The following CHPT1 variants were observed in gnomAD, a reference collection of about 807,000 sequenced individuals.
CHPT1 encodes cholinephosphotransferase 1.
In CHPT1, 36 loss-of-function variants were observed where a neutral mutation model predicts 47.6. The observed-to-expected ratio is 0.76, with a 90% CI of 0.58 to 1.00. CHPT1 has a LOEUF of 1.00. Ranked by LOEUF, CHPT1 falls within the 50% of genes least tolerant of loss-of-function variation. The probability of loss-of-function intolerance (pLI) is 0.00; values close to 1 mark genes in which losing one functional copy is unlikely to be tolerated. For synonymous variants in CHPT1, 194 were observed against 186.3 expected, an observed-to-expected ratio of 1.04 and a Z score of -0.33; for missense variants, 458 against 498.1, an observed-to-expected ratio of 0.92 and a Z score of 0.77.
chr12:101,729,056 A>C lies in CHPT1; in HGVS notation c.*111A>C, dbSNP rs771263019. 6.2e-7 allele frequency: 1 copy of C among 1,605,928 alleles called. No individual in the cohort carries two copies. On this transcript the variant is annotated 3_prime_UTR_variant, in exon 9 of 9. Transcript: ENST00000229266. ...TTATACCTATTTCAGCAAATAAAATATTTCATTGCTTATATTAATCCTTAT... is the reference window on the plus strand; with the variant it reads ...TTATACCTATTTCAGCAAATAAAATCTTTCATTGCTTATATTAATCCTTAT...
rs774824332 is a variant in CHPT1, at chr12:101,698,167, A to G, written c.273+33A>G. The G allele has an allele frequency of 5.7e-6, 8 of 1,402,944 alleles. No individual in the cohort carries two copies. The South Asian group carries it at 1.0e-4, about 18-fold the overall frequency. The allele number at this position is 1,402,944 out of a possible 1,614,324, so 86.9% of individuals were successfully genotyped here. A position where few individuals can be genotyped will look rare whatever the true frequency, so the allele number is the denominator to read the frequency against. Reference sequence around the variant, plus strand: ...TGGCCGATCGCCCGAGCCGGGCCCCAGATGCGCTGCGGGCGGGTCGCTGGA... The same window carrying G: ...TGGCCGATCGCCCGAGCCGGGCCCCGGATGCGCTGCGGGCGGGTCGCTGGA... On this transcript the variant is annotated intron_variant, in intron 1 of 8. Coordinates refer to ENST00000229266, the MANE Select transcript of CHPT1 (RefSeq NM_020244.3).
intron 1 of CHPT1, among the ~76,000 whole-genome samples, chr12:101,708,560 GGATACAGTA>G (rs1465856625): frequency 2.0e-5 from 3 of 151,970 alleles, no homozygotes; most frequent in Non-Finnish European, 4.4e-5. Flanking sequence ...TGTTAAATTT[GGATACAGTA>G]GATATTATGA....
rs139846163 is a variant in CHPT1 at position 101,728,578 on chromosome 12, TAAAG to T, written c.1177-320_1177-317del. ...TAGATTTTGTATTCCGTTTTTTCCT[TAAAG>T]AACATAACCTTCTATACTTGGTTTT... On this transcript the variant is annotated intron_variant, in intron 8 of 8. Coordinates refer to ENST00000229266, the MANE Select transcript of CHPT1 (RefSeq NM_020244.3). The T allele has an allele frequency of 7.7e-3, 1,634 of 212,968 alleles. 26 individuals are homozygous for T. The highest frequency in any genetic ancestry group is 0.034 in the African/African-American group (1,489 of 43,316). 13.2% of individuals were successfully genotyped at this position (212,968 alleles called of 1,614,324 possible).
At chr12:101,711,613 A>G (rs1050277219) in intron 1 of CHPT1, among the ~76,000 whole-genome samples, 2 of 148,270 alleles carry the variant, frequency 1.3e-5, no homozygotes, top group African/African-American at 4.9e-5. Context: ...CTTATGTACA[A>G]CCTGAGGGGT....
At position 101,714,767 on chromosome 12, in the gene CHPT1, CG is replaced by C. The variant is rs1429464540; in HGVS notation, c.563+124del. On this transcript the variant is annotated intron_variant, in intron 3 of 8. Transcript: ENST00000229266. ...CAATCAGTAACTTAAATTAATTCGT[CG>C]GAGTACTCATAAATGCTACACCTTA... is the stretch of plus-strand genomic sequence containing the variant. 19 of 986,190 alleles carry C rather than the reference CG, an allele frequency of 1.9e-5. No individual in the cohort carries two copies. In the East Asian group the frequency reaches 5.3e-4, roughly 28 times the overall value. The allele number at this position is 986,190 out of a possible 1,614,324, so 61.1% of individuals were successfully genotyped here.
rs1488463971 is a variant in CHPT1 at position 101,726,355 on chromosome 12, A to G, written c.1127A>G (p.His376Arg). 3 of 1,613,296 alleles carry G rather than the reference A, an allele frequency of 1.9e-6. No individual in the cohort carries two copies. The highest frequency in any genetic ancestry group is 2.5e-6 in the Non-Finnish European group (3 of 1,179,586). The change falls in exon 8 of 9, where the codon CAC becomes CGC. Residue 376 changes from histidine to arginine, a missense_variant. Transcript: ENST00000229266. The part of the protein sequence containing the change: ...FSALCLQISR[H>R]LHLNIFKTAC... ...GCTTTGTGCCTGCAAATTTCAAGAC[A>G]CCTTCATCTAAATATATTCAAGACT...
intron 3 of CHPT1, chr12:101,714,986 A>G: frequency 6.1e-6 from 1 of 164,222 alleles, no homozygotes; most frequent in Non-Finnish European, 1.3e-5. Context: ...ATATAATAAA[A>G]TAATGCAGTG....
At chr12:101,706,047 A>G (rs1951627253) in intron 1 of CHPT1, among the ~76,000 whole-genome samples, 1 of 152,118 alleles carries the variant, frequency 6.6e-6, no homozygotes, top group Admixed American at 6.6e-5. Flanking sequence ...CTCCTACAGA[A>G]GATTTTTAAA....
intron 5 of CHPT1, among the ~76,000 whole-genome samples, chr12:101,721,985 G>C (rs1039877708): frequency 1.1e-4 from 16 of 151,956 alleles, no homozygotes; most frequent in African/African-American, 3.9e-4. Flanking sequence ...ATTGAACCTG[G>C]GAGGCGGAGG....
At chr12:101,723,017 AGCACAACTCAGGTTTG>A in intron 5 of CHPT1, 135 bp from the exon 6 acceptor site, 1 of 620,208 alleles carries the variant, frequency 1.6e-6, no homozygotes, top group East Asian at 3.1e-5. Flanking sequence ...AACCTTGGAA[AGCACAACTCAGGTTTG>A]TATACTCCTG....
chr12:101,726,139 G>A (rs1951939621), intron 7 of CHPT1, among the ~76,000 whole-genome samples, 155 bp from the exon 8 acceptor site: 2 of 152,046 alleles, frequency 1.3e-5, no homozygotes, highest in Non-Finnish European at 2.9e-5. Context: ...CTACAGTGAG[G>A]TCCAAATTTG....
At chr12:101,713,982 G>T in intron 1 of CHPT1, 108 bp from the exon 2 acceptor site, 1 of 638,574 alleles carries the variant, frequency 1.6e-6, no homozygotes. Context: ...GGTTAGAAAT[G>T]TTCTTTATAA....
rs185820631 is a variant in CHPT1 at position 101,728,876 on chromosome 12, G to A, written c.1177-25G>A. ...ACTTACAATATGCTTCTTAGCTAACGTTATAATTGTATCATATTACTTAGG... is the reference window on the plus strand; with the variant it reads ...ACTTACAATATGCTTCTTAGCTAACATTATAATTGTATCATATTACTTAGG... On this transcript the variant is annotated intron_variant, in intron 8 of 8. Coordinates refer to ENST00000229266, the MANE Select transcript of CHPT1 (RefSeq NM_020244.3). 112 of 1,611,054 alleles carry A rather than the reference G, an allele frequency of 7.0e-5. No individual in the cohort carries two copies. In the African/African-American group the frequency reaches 7.3e-4, roughly 11 times the overall value.
intron 1 of CHPT1, among the ~76,000 whole-genome samples, chr12:101,709,418 C>T: frequency 7.1e-6 from 1 of 140,034 alleles, no homozygotes; most frequent in South Asian, 2.3e-4. Flanking sequence ...AAAGTCTAAT[C>T]TATAATTGTA....
At chr12:101,703,352 T>C (rs1951581652) in intron 1 of CHPT1, among the ~76,000 whole-genome samples, 1 of 152,126 alleles carries the variant, frequency 6.6e-6, no homozygotes, top group African/African-American at 2.4e-5. Context: ...AAAACCAAAA[T>C]GATTCACACT....
At chr12:101,724,811 T>C (rs1282071724) in intron 7 of CHPT1, among the ~76,000 whole-genome samples, 1 of 152,208 alleles carries the variant, frequency 6.6e-6, no homozygotes, top group Non-Finnish European at 1.5e-5. Context: ...GAGAGACACG[T>C]TAGCCATCTA....
In CHPT1 at chr12:101,697,921, G is replaced by T. The variant is rs1951487335; in HGVS notation, c.60G>T (p.Pro20=). The change falls in exon 1 of 9, where the codon CCG becomes CCT. Residue 20 remains proline, a synonymous_variant. Transcript: ENST00000229266. ...GCTGGCTGAGGGCGCTGAGCGAGCC[G>T]CTGAGCGCGGCGCAGCTGCGGCGAC... ...APRWLRALSE[P]LSAAQLRRLE... The T allele has an allele frequency of 6.9e-7, 1 of 1,454,982 alleles. No individual in the cohort carries two copies. The highest frequency in any genetic ancestry group is 9.0e-7 in the Non-Finnish European group (1 of 1,107,474). 90.1% of individuals were successfully genotyped at this position (1,454,982 alleles called of 1,614,324 possible).
intron 1 of CHPT1, among the ~76,000 whole-genome samples, chr12:101,706,940 A>G (rs909018914): frequency 6.6e-6 from 1 of 152,250 alleles, no homozygotes; most frequent in Non-Finnish European, 1.5e-5. Flanking sequence ...AGTCATGAAC[A>G]TCATTGTCAT....
At chr12:101,708,667 G>A (rs1951664809) in intron 1 of CHPT1, among the ~76,000 whole-genome samples, 1 of 123,668 alleles carries the variant, frequency 8.1e-6, no homozygotes, top group African/African-American at 2.6e-5. Flanking sequence ...GAGTGCAGTG[G>A]CTCACTTCAA....
Sources: allele counts gnomAD v4.1 joint callset (sites outside exome capture counted in the v4.1 genomes callset), GRCh38; gene constraint gnomAD v4.1.1; transcripts MANE v1.5; gene names NCBI Gene and HGNC (gene_info 2026-07-23, HGNC 2026-07-21).